WASHC4: variants seen among roughly 807,000 people sequenced by gnomAD.
WASHC4 encodes the protein WASH complex subunit 4.
Under a neutral mutation model 166.6 loss-of-function variants are expected in WASHC4, and 86 were observed. That is an observed-to-expected ratio of 0.52 (90% confidence interval 0.43 to 0.62). The LOEUF (loss-of-function observed/expected upper bound fraction) is 0.62. Ranked by LOEUF, WASHC4 falls within the 20% of genes least tolerant of loss-of-function variation. WASHC4 has a pLI of 0.00. For missense variants in WASHC4, 1,262 were observed against 1,382.4 expected, an observed-to-expected ratio of 0.91 and a Z score of 1.38; for synonymous variants, 446 against 451.6, an observed-to-expected ratio of 0.99 and a Z score of 0.16.
intron 13 of WASHC4, among the ~76,000 whole-genome samples, chr12:105,128,592 AATGCCC>A (rs1203402505): frequency 1.3e-5 from 2 of 152,160 alleles, no homozygotes; most frequent in Non-Finnish European, 2.9e-5. Flanking sequence ...GTGCCATCGT[AATGCCC>A]AATGGAAATG....
At chr12:105,149,120 C>T in intron 24 of WASHC4, 4 of 985,312 alleles carry the variant, frequency 4.1e-6, no homozygotes, top group Non-Finnish European at 4.8e-6. Context: ...AGGCACGTTG[C>T]CTTGTGTGTA....
At position 105,111,276 on chromosome 12, in the gene WASHC4, T is replaced by G; in HGVS notation, c.201+12T>G. 2 of 1,570,806 alleles carry G rather than the reference T, an allele frequency of 1.3e-6. No homozygotes were observed. Among genetic ancestry groups the G allele is most frequent in the South Asian group, 2.3e-5 (2 of 88,612 alleles). On this transcript the variant is annotated intron_variant, in intron 2 of 32. Coordinates refer to ENST00000332180, the MANE Select transcript of WASHC4 (RefSeq NM_015275.3). Reference sequence around the variant, plus strand: ...CTATAGCATTAAAGGTTTGATTTGATTTTTTAAAAATATATGTATATATTT... The same window carrying G: ...CTATAGCATTAAAGGTTTGATTTGAGTTTTTAAAAATATATGTATATATTT...
At chr12:105,157,371 TGAAGA>T (rs758686897) in intron 28 of WASHC4, 49 bp downstream of exon 28, 2 of 1,042,686 alleles carry the variant, frequency 1.9e-6, no homozygotes, top group Admixed American at 3.5e-5. Flanking sequence ...AAAAACATTC[TGAAGA>T]GAAGACCAGA....
rs751236304 is a variant in WASHC4, at chr12:105,164,116, G to C, written c.3163G>C (p.Ala1055Pro). The change falls in exon 31 of 33, where the codon GCT becomes CCT. Residue 1055 changes from alanine (A) to proline (P), a missense_variant. Coordinates refer to ENST00000332180, the MANE Select transcript of WASHC4 (RefSeq NM_015275.3). ...FTDDGFAMGVAYILKLLDQYR... is the reference protein window; with the variant it reads ...FTDDGFAMGVPYILKLLDQYR... ...AGTTTTGCTTATGCCTGCAGGTGTG[G>C]CTTACATTCTAAAGCTTTTGGATCA... is the stretch of plus-strand genomic sequence containing the variant. 1 of 1,614,070 alleles carries C rather than the reference G, an allele frequency of 6.2e-7. No individual in the cohort carries two copies. The highest frequency in any genetic ancestry group is 1.1e-5 in the South Asian group (1 of 91,078).
At chr12:105,159,774 T>A (rs1436399829) in intron 28 of WASHC4, among the ~76,000 whole-genome samples, 1 of 152,206 alleles carries the variant, frequency 6.6e-6, no homozygotes, top group Non-Finnish European at 1.5e-5. Context: ...TTATTTTAAG[T>A]CCCAAGATGT....
At chr12:105,114,563 A>G (rs1880000650) in intron 4 of WASHC4, 136 bp downstream of exon 4, 1 of 681,100 alleles carries the variant, frequency 1.5e-6, no homozygotes, top group Non-Finnish European at 2.6e-6. Context: ...ACTAATACGG[A>G]CTACCATTCA....
intron 5 of WASHC4, 71 bp from the exon 6 acceptor site, chr12:105,115,590 C>T: frequency 5.3e-6 from 6 of 1,141,584 alleles, no homozygotes; most frequent in South Asian, 1.3e-5. Flanking sequence ...AAAAACTTTT[C>T]CCCCTTTTTT....
intron 5 of WASHC4, 115 bp downstream of exon 5, chr12:105,115,344 A>G: frequency 1.3e-6 from 1 of 786,290 alleles, no homozygotes; most frequent in Non-Finnish European, 2.2e-6. Context: ...ATAAGTATTC[A>G]TATTTTTTGT....
At chr12:105,149,541 TA>T in intron 24 of WASHC4, 73 bp from the exon 25 acceptor site, 1 of 1,141,004 alleles carries the variant, frequency 8.8e-7, no homozygotes, top group Non-Finnish European at 1.3e-6. Flanking sequence ...TGTGATACAG[TA>T]AAATTTATTT....
chr12:105,127,827 CT>C (rs1029397653), intron 13 of WASHC4, among the ~76,000 whole-genome samples: 7 of 151,898 alleles, frequency 4.6e-5, no homozygotes, highest in Non-Finnish European at 8.8e-5. Flanking sequence ...TTTGTTTCTT[CT>C]TTTTTTTACA....
At chr12:105,119,007 A>T (rs986035545) in intron 7 of WASHC4, among the ~76,000 whole-genome samples, 12 of 152,230 alleles carry the variant, frequency 7.9e-5, no homozygotes, top group African/African-American at 2.7e-4. Flanking sequence ...AATTTATTTA[A>T]ATTAAAAAAG....
At chr12:105,132,066 A>G (rs1881874261) in intron 13 of WASHC4, among the ~76,000 whole-genome samples, 2 of 152,364 alleles carry the variant, frequency 1.3e-5, no homozygotes, top group East Asian at 3.9e-4. Flanking sequence ...ACCTGTAAGA[A>G]TGGGACATTT....
At chr12:105,139,069 A>G (rs1882568547) in intron 15 of WASHC4, among the ~76,000 whole-genome samples, 1 of 152,092 alleles carries the variant, frequency 6.6e-6, no homozygotes, top group African/African-American at 2.4e-5. Context: ...ATTAATCGTT[A>G]TATATGTTTT....
chr12:105,160,285 T>C, intron 29 of WASHC4, 137 bp downstream of exon 29: 1 of 735,982 alleles, frequency 1.4e-6, no homozygotes, highest in South Asian at 1.7e-5. Flanking sequence ...AAATGTGATC[T>C]CAGTGAATGT....
chr12:105,140,224 A>T, intron 15 of WASHC4, 70 bp from the exon 16 acceptor site: 1 of 1,108,318 alleles, frequency 9.0e-7, no homozygotes, highest in Non-Finnish European at 1.4e-6. Context: ...CTAAGGTCGT[A>T]AAGATCTTCT....
intron 13 of WASHC4, among the ~76,000 whole-genome samples, chr12:105,128,901 C>T (rs906207702): frequency 6.6e-6 from 1 of 151,634 alleles, no homozygotes; most frequent in African/African-American, 2.4e-5. Flanking sequence ...ACTTCAGCTC[C>T]CAAGTAGCTG....
intron 7 of WASHC4, 39 bp from the exon 8 acceptor site, chr12:105,120,516 A>G (rs1409943561): frequency 3.2e-6 from 4 of 1,258,540 alleles, no homozygotes; most frequent in Non-Finnish European, 4.7e-6. Context: ...CTATGACAAA[A>G]AGGAAGTTTT....
chr12:105,124,346 C>T (rs147446418), intron 10 of WASHC4, among the ~76,000 whole-genome samples: 13 of 149,914 alleles, frequency 8.7e-5, no homozygotes, highest in African/African-American at 2.7e-4. Context: ...CTTGAACTCC[C>T]GACCTCAGGT....
At chr12:105,138,360 TAA>T (rs200705849) in intron 15 of WASHC4, among the ~76,000 whole-genome samples, 125 of 145,292 alleles carry the variant, frequency 8.6e-4, no homozygotes, top group East Asian at 2.4e-3. Flanking sequence ...TTGCATGAGT[TAA>T]AAAAAAAAAA....
Sources: allele counts gnomAD v4.1 joint callset (sites outside exome capture counted in the v4.1 genomes callset), GRCh38; gene constraint gnomAD v4.1.1; transcripts MANE v1.5; gene names NCBI Gene and HGNC (gene_info 2026-07-23, HGNC 2026-07-21).